Variants in DSTYK observed in about 807,000 individuals in gnomAD.
DSTYK encodes the protein RIP-homologous kinase.
A neutral mutation model predicts 98.7 loss-of-function variants in DSTYK; 34 were observed. That is an observed-to-expected ratio of 0.34 (90% CI 0.26 to 0.46). The LOEUF (loss-of-function observed/expected upper bound fraction) is 0.46. Among genes scored for constraint, DSTYK ranks in the 20% least tolerant of loss-of-function variants. DSTYK has a pLI of 1.00. For missense variants in DSTYK, 962 were observed against 1,181.7 expected (o/e 0.81, Z 2.73); for synonymous variants, 462 against 457.3 (o/e 1.01, Z -0.13).
rs757540020 is a variant in DSTYK, at chr1:205,169,565, T to C, written c.922A>G (p.Ile308Val). The part of the protein sequence containing the change: ...SERSPLYRQL[I>V]DLGYLSSSHW... Reference sequence around the variant, plus strand: ...CTGCTGCTCAGATAGCCCAGGTCAATTAGCTGGCGATAAAGCGGTGATCTT... The same window carrying C: ...CTGCTGCTCAGATAGCCCAGGTCAACTAGCTGGCGATAAAGCGGTGATCTT... Residue 308 changes from isoleucine (I) to valine (V), a missense_variant, in exon 3 of 13, where the codon ATT (isoleucine) becomes GTT (valine). By Grantham distance (29) the Ile-to-Val change is conservative (BLOSUM62 3). Transcript: ENST00000367162. The surrounding 1 kb of genome is among the most constrained non-coding windows in gnomAD (Gnocchi z 4.0). 6.2e-7 allele frequency: 1 copy of C among 1,614,188 alleles called. No individual in the cohort carries two copies.
chr1:205,184,735 C>T lies in DSTYK; in HGVS notation c.654+2683G>A, dbSNP rs75858557. 8.4e-3 allele frequency among the ~76,000 whole-genome samples: 1,281 copies of T among 152,264 alleles called. 21 individuals carry two copies. The highest frequency in any genetic ancestry group is 0.029 in the African/African-American group (1,225 of 41,542). On this transcript the variant is annotated intron_variant, in intron 2 of 12. Coordinates refer to ENST00000367162, the MANE Select transcript of DSTYK (RefSeq NM_015375.3). ...TTGAAGGATCACTTGATCCCCCAAC[C>T]CCAGCCTTTCAAGTGGCTCAGACCA...
intron 1 of DSTYK, among the ~76,000 whole-genome samples, chr1:205,201,054 T>C: frequency 6.6e-6 from 1 of 151,962 alleles, no homozygotes; most frequent in Non-Finnish European, 1.5e-5. Context: ...TACAGGCACG[T>C]GCCACCATAC....
intron 1 of DSTYK, among the ~76,000 whole-genome samples, chr1:205,190,450 C>T (rs1658675157): frequency 6.6e-6 from 1 of 151,922 alleles, no homozygotes; most frequent in South Asian, 2.1e-4. Context: ...CATGGCGAAA[C>T]CCTGATTCTA....
intron 2 of DSTYK, among the ~76,000 whole-genome samples, chr1:205,183,016 A>C (rs1574782039): frequency 6.6e-6 from 1 of 150,946 alleles, no homozygotes. Context: ...ACGCTGAGCA[A>C]GTTTAATCAC....
At position 205,160,191 on chromosome 1, in the gene DSTYK, G is replaced by A. The variant is rs1062715; in HGVS notation, c.2028C>T (p.Phe676=). 427,240 of 1,613,754 alleles carry A rather than the reference G, an allele frequency of 0.26. 59,531 individuals are homozygous for A. The highest frequency in any genetic ancestry group is 0.41 in the South Asian group (37,043 of 91,068). Residue 676 remains phenylalanine, a synonymous_variant, in exon 8 of 13, where the codon TTC becomes TTT. Coordinates refer to ENST00000367162, the MANE Select transcript of DSTYK (RefSeq NM_015375.3). ...VYLCDNWGGH[F]PCALKSVVPP... ...GGACAACTGATTTGAGGGCACAAGG[G>A]AAGTGTCCTCCCCAGTTGTCACACA...
At chr1:205,206,628 G>A (rs1002922981) in intron 1 of DSTYK, among the ~76,000 whole-genome samples, 8 of 148,202 alleles carry the variant, frequency 5.4e-5, no homozygotes, top group Non-Finnish European at 7.4e-5. Context: ...TGTCGCCCAG[G>A]CTGGAGCACA....
At chr1:205,178,685 C>T (rs749613954) in intron 2 of DSTYK, among the ~76,000 whole-genome samples, 1 of 152,176 alleles carries the variant, frequency 6.6e-6, no homozygotes, top group East Asian at 1.9e-4. Flanking sequence ...TGTGGATGAT[C>T]GTCAGGGAAA....
At chr1:205,191,329 A>G (rs1380518254) in intron 1 of DSTYK, among the ~76,000 whole-genome samples, 1 of 152,228 alleles carries the variant, frequency 6.6e-6, no homozygotes, top group African/African-American at 2.4e-5. Context: ...AGTTGAAAGC[A>G]GATGGTTTTA....
intron 2 of DSTYK, among the ~76,000 whole-genome samples, chr1:205,181,781 A>C (rs974592472): frequency 6.6e-6 from 1 of 151,064 alleles, no homozygotes; most frequent in Non-Finnish European, 1.5e-5. Flanking sequence ...TCCTGGGCTC[A>C]AGTGATCCTC....
Position 205,147,184 on chromosome 1 carries a change from A to G in DSTYK, c.*374T>C, listed in dbSNP as rs79463423. The G allele has an allele frequency of 7.7e-4, 124 of 160,532 alleles. No individual in the cohort carries two copies. The highest frequency in any genetic ancestry group is 2.8e-3 in the African/African-American group (119 of 41,910). The allele number at this position is 160,532 out of a possible 1,614,324, so 9.9% of individuals were successfully genotyped here. On this transcript the variant is annotated 3_prime_UTR_variant, in exon 13 of 13. Transcript: ENST00000367162. Reference sequence around the variant, plus strand: ...GCTAGAGCCAAAAATCATGAGAATGAGATTTTTTAACACTATTGCCACTGC... The same window carrying G: ...GCTAGAGCCAAAAATCATGAGAATGGGATTTTTTAACACTATTGCCACTGC...
intron 1 of DSTYK, among the ~76,000 whole-genome samples, chr1:205,189,413 A>G (rs974697644): frequency 1.3e-5 from 2 of 152,232 alleles, no homozygotes; most frequent in African/African-American, 2.4e-5. Flanking sequence ...AAGCACAGAC[A>G]CAGTTCTTAG....
Position 205,147,534 on chromosome 1 carries a change from A to G in DSTYK, c.*24T>C, listed in dbSNP as rs1376698594. On this transcript the variant is annotated 3_prime_UTR_variant, in exon 13 of 13. Transcript: ENST00000367162. ...GTGAGGGGGAAGGAAATAACTAGAG[A>G]GTGAAAGAGAAAGGTCTTTGCTTTC... 3 of 1,594,190 alleles carry G rather than the reference A, an allele frequency of 1.9e-6. No homozygotes were observed. In the African/African-American group the frequency reaches 4.0e-5, roughly 21 times the overall value.
At chr1:205,206,722 C>T (rs1659214950) in intron 1 of DSTYK, among the ~76,000 whole-genome samples, 1 of 150,424 alleles carries the variant, frequency 6.6e-6, no homozygotes, top group Non-Finnish European at 1.5e-5. Flanking sequence ...AGCTGGCATA[C>T]AGGCACCTGC....
intron 1 of DSTYK, among the ~76,000 whole-genome samples, chr1:205,194,968 G>GACT (rs1658821291): frequency 1.3e-5 from 2 of 151,992 alleles, no homozygotes; most frequent in Admixed American, 6.5e-5. Context: ...GAGTAGCAGG[G>GACT]ACTACAGGCA....
chr1:205,187,245 T>C (rs758146996), intron 2 of DSTYK, among the ~76,000 whole-genome samples, 173 bp downstream of exon 2: 2 of 152,206 alleles, frequency 1.3e-5, no homozygotes, highest in Non-Finnish European at 2.9e-5. Flanking sequence ...GGAATGGGTA[T>C]TGCTACAGCC....
At chr1:205,163,221 T>TA (rs954999850) in intron 4 of DSTYK, among the ~76,000 whole-genome samples, 2 of 142,118 alleles carry the variant, frequency 1.4e-5, no homozygotes, top group Non-Finnish European at 3.1e-5. Context: ...ATTTTTTTAT[T>TA]TTTTTTTTTA....
Position 205,164,518 on chromosome 1 carries a change from G to A in DSTYK, c.1325-563C>T, listed in dbSNP as rs564635049. On this transcript the variant is annotated intron_variant, in intron 3 of 12. Coordinates refer to ENST00000367162, the MANE Select transcript of DSTYK (RefSeq NM_015375.3). ...GCTGTGTCGCCCAGGCTGGAGTGGA[G>A]TGATGCAATCTCGGCTCACTGCAAG... is the stretch of plus-strand genomic sequence containing the variant. Among the ~76,000 whole-genome samples, 4 of 151,432 alleles carry A rather than the reference G, an allele frequency of 2.6e-5. No individual in the cohort carries two copies. The South Asian group carries it at 8.3e-4, about 32-fold the overall frequency.
At chr1:205,192,196 C>T (rs1008386985) in intron 1 of DSTYK, among the ~76,000 whole-genome samples, 14 of 152,072 alleles carry the variant, frequency 9.2e-5, no homozygotes, top group Non-Finnish European at 2.1e-4. Context: ...ATTTAATGCT[C>T]ACAATTCTAC....
At chr1:205,162,815 A>C in intron 5 of DSTYK, 108 bp downstream of exon 5, 1 of 846,110 alleles carries the variant, frequency 1.2e-6, no homozygotes. Flanking sequence ...ACAAATGGTC[A>C]CCCTGCCTTA....
Sources: gnomAD v4.1 joint callset for allele counts (sites outside exome capture counted in the v4.1 genomes callset) on GRCh38, gnomAD v4.1.1 for gene constraint, Gnocchi (gnomAD v3.1) non-coding constraint, MANE v1.5 for transcripts, NCBI Gene and HGNC (gene_info 2026-07-23, HGNC 2026-07-21) for gene names.